The following PCNX1 variants were observed in gnomAD, a reference collection of about 807,000 sequenced individuals.
The protein encoded by PCNX1 is pecanex 1.
A neutral mutation model predicts 242.2 loss-of-function variants in PCNX1; 78 were observed. The observed-to-expected ratio is 0.32, with a 90% CI of 0.27 to 0.39. The LOEUF is 0.39. PCNX1 is among the 10% of genes least tolerant of loss of function. The probability of loss-of-function intolerance (pLI) is 1.00; values close to 1 mark genes in which losing one functional copy is unlikely to be tolerated. For missense variants in PCNX1, 2,581 were observed against 2,856.5 expected (o/e 0.90, Z 2.20); for synonymous variants, 1,024 against 1,032.9 (o/e 0.99, Z 0.17).
At chr14:71,041,810 A>G (rs546173491) in intron 19 of PCNX1, among the ~76,000 whole-genome samples, 1 of 136,280 alleles carries the variant, frequency 7.3e-6, no homozygotes, top group African/African-American at 2.9e-5. Context: ...ATACTATACT[A>G]TACTATACTA....
At chr14:70,993,370 C>T (rs1001735409) in intron 7 of PCNX1, among the ~76,000 whole-genome samples, 2 of 151,944 alleles carry the variant, frequency 1.3e-5, no homozygotes, top group African/African-American at 4.8e-5. Context: ...CCTTGTGATC[C>T]ACCCGCCTTG....
rs1266706230 is a variant in PCNX1 at position 71,112,697 on chromosome 14, TCAGCATA to T, written c.*2765_*2771del. The stretch of plus-strand genomic sequence containing the variant: ...CTTTTTTTCAGTTATGTACAAGACT[TCAGCATA>T]CATTAATGTCTTTAGTTTATAAATT... On this transcript the variant is annotated 3_prime_UTR_variant, in exon 36 of 36. Coordinates refer to ENST00000304743, the MANE Select transcript of PCNX1 (RefSeq NM_014982.3). 1 of 152,166 alleles carries T rather than the reference TCAGCATA, an allele frequency of 6.6e-6. No homozygotes were observed. The highest frequency in any genetic ancestry group is 1.5e-5 in the Non-Finnish European group (1 of 67,990). The allele number at this position is 152,166 out of a possible 1,614,324, so 9.4% of individuals were successfully genotyped here.
At chr14:71,030,790 C>G (rs2060359325) in intron 16 of PCNX1, among the ~76,000 whole-genome samples, 1 of 152,148 alleles carries the variant, frequency 6.6e-6, no homozygotes, top group South Asian at 2.1e-4. Context: ...GCCAAATTCC[C>G]TGCTTACGTC....
chr14:70,909,174 A>G (rs555808349), intron 1 of PCNX1, among the ~76,000 whole-genome samples: 14 of 152,300 alleles, frequency 9.2e-5, no homozygotes, highest in African/African-American at 3.4e-4. Flanking sequence ...ACTAATTGGC[A>G]GGAAAAGTGT....
intron 1 of PCNX1, among the ~76,000 whole-genome samples, chr14:70,914,692 G>T (rs995431225): frequency 3.9e-5 from 6 of 152,124 alleles, no homozygotes; most frequent in Admixed American, 3.3e-4. Flanking sequence ...TTTAAATATT[G>T]TGTCTCTATC....
intron 8 of PCNX1, among the ~76,000 whole-genome samples, chr14:71,002,018 A>G (rs1002923348): frequency 6.6e-6 from 1 of 152,162 alleles, no homozygotes; most frequent in African/African-American, 2.4e-5. Context: ...TTGGCCATAC[A>G]TAATCATGTG....
chr14:71,095,273 G>A (rs1226402535), intron 30 of PCNX1, among the ~76,000 whole-genome samples: 1 of 152,126 alleles, frequency 6.6e-6, no homozygotes, highest in Non-Finnish European at 1.5e-5. Flanking sequence ...TTTACAGTCT[G>A]TGATATCCTT....
intron 1 of PCNX1, among the ~76,000 whole-genome samples, chr14:70,909,753 G>A (rs2139979547): frequency 6.6e-6 from 1 of 152,228 alleles, no homozygotes. Flanking sequence ...ACATATTTGA[G>A]TGTCTACCAT....
At chr14:71,098,835 G>A (rs1212127547) in intron 30 of PCNX1, among the ~76,000 whole-genome samples, 2 of 152,022 alleles carry the variant, frequency 1.3e-5, no homozygotes, top group African/African-American at 4.8e-5. Context: ...TTCTGGTACT[G>A]TGTTGAATAG....
chr14:70,955,482 A>G (rs539766887), intron 2 of PCNX1, among the ~76,000 whole-genome samples: 3 of 152,220 alleles, frequency 2.0e-5, no homozygotes, highest in Non-Finnish European at 4.4e-5. Flanking sequence ...ATATGATACT[A>G]ATAATCAACA....
chr14:70,964,835 G>T (rs936866556), intron 3 of PCNX1, among the ~76,000 whole-genome samples: 1 of 152,130 alleles, frequency 6.6e-6, no homozygotes, highest in Non-Finnish European at 1.5e-5. Flanking sequence ...AATATTGGAG[G>T]TTATTGTGCT....
At chr14:71,106,215 CA>C (rs2062616231) in intron 33 of PCNX1, among the ~76,000 whole-genome samples, 1 of 151,406 alleles carries the variant, frequency 6.6e-6, no homozygotes, top group South Asian at 2.1e-4. Flanking sequence ...GACGAGGTTT[CA>C]ACCATGTTAG....
At chr14:71,094,652 C>T (rs929040093) in intron 30 of PCNX1, among the ~76,000 whole-genome samples, 5 of 152,072 alleles carry the variant, frequency 3.3e-5, no homozygotes, top group Non-Finnish European at 4.4e-5. Flanking sequence ...TTACGTTGGA[C>T]GTGATGCCTC....
intron 32 of PCNX1, 83 bp from the exon 33 acceptor site, chr14:71,105,152 T>TC (rs2062576643): frequency 1.9e-6 from 2 of 1,033,650 alleles, no homozygotes; most frequent in African/African-American, 3.1e-5. Flanking sequence ...GCATTTGCAG[T>TC]TCAGAATAGC....
intron 2 of PCNX1, among the ~76,000 whole-genome samples, chr14:70,949,443 A>G (rs1242748875): frequency 6.6e-6 from 1 of 151,688 alleles, no homozygotes; most frequent in Non-Finnish European, 1.5e-5. Context: ...ATATGTGTAT[A>G]TATGTATAAT....
intron 13 of PCNX1, among the ~76,000 whole-genome samples, chr14:71,025,430 C>G (rs908074087): frequency 6.6e-6 from 1 of 151,822 alleles, no homozygotes; most frequent in Non-Finnish European, 1.5e-5. Flanking sequence ...ATGGAGCCCC[C>G]CCACCTTTTT....
At chr14:70,953,946 G>A (rs2057893733) in intron 2 of PCNX1, among the ~76,000 whole-genome samples, 1 of 152,158 alleles carries the variant, frequency 6.6e-6, no homozygotes, top group South Asian at 2.1e-4. Context: ...GGGATTACAG[G>A]CGTGATCCAC....
intron 2 of PCNX1, among the ~76,000 whole-genome samples, chr14:70,949,916 A>G (rs1432206612): frequency 6.6e-6 from 1 of 152,244 alleles, no homozygotes; most frequent in African/African-American, 2.4e-5. Flanking sequence ...CCTGATTTAC[A>G]GATGTGGAAA....
Position 71,109,773 on chromosome 14 carries a change from T to C in PCNX1, c.6886-22T>C, listed in dbSNP as rs367936531. 10 of 1,613,186 alleles carry C rather than the reference T, an allele frequency of 6.2e-6. No individual in the cohort carries two copies. In the African/African-American group the frequency reaches 1.1e-4, roughly 17 times the overall value. ...ATTCCAGGTCTCCAGTGCTAACTTC[T>C]TGTTTTATTCTGAATCATTAGGTGA... On this transcript the variant is annotated intron_variant, in intron 35 of 35. Transcript: ENST00000304743.
Sources: allele counts gnomAD v4.1 joint callset (sites outside exome capture counted in the v4.1 genomes callset), GRCh38; gene constraint gnomAD v4.1.1; transcripts MANE v1.5; gene names NCBI Gene and HGNC (gene_info 2026-07-23, HGNC 2026-07-21).